Variants in SGCG observed in about 807,000 individuals in gnomAD.
SGCG encodes the protein gamma-sarcoglycan.
A neutral mutation model predicts 29.3 loss-of-function variants in SGCG; 26 were observed. The ratio of observed to expected loss-of-function variants is 0.89; its 90% confidence interval spans 0.65 to 1.23. The LOEUF is 1.23. Ranked by LOEUF, SGCG falls within the 50% of genes most tolerant of loss-of-function variation. The pLI is 0.00. For synonymous variants in SGCG, 145 were observed against 129.7 expected, an observed-to-expected ratio of 1.12 and a Z score of -0.80; for missense variants, 353 against 356.0, an observed-to-expected ratio of 0.99 and a Z score of 0.07.
At chr13:23,218,996 T>C (rs1878545379) in intron 2 of SGCG, among the ~76,000 whole-genome samples, 1 of 148,562 alleles carries the variant, frequency 6.7e-6, no homozygotes, top group Non-Finnish European at 1.5e-5. Context: ...AAAAGCATAG[T>C]TTTTTTTAAC....
In SGCG at chr13:23,274,483, A is replaced by G. The variant is rs578171906; in HGVS notation, c.386-4876A>G. 2.8e-4 allele frequency among the ~76,000 whole-genome samples: 39 copies of G among 138,322 alleles called. 1 individual carries two copies. The South Asian group carries it at 7.3e-3, about 26-fold the overall frequency. The allele number at this position is 138,322 out of a possible 152,430, so 90.7% of individuals were successfully genotyped here. ...AGTGGTGCGATCTTGGCTCGCTGCAAGCTCCACCCCCCAGGTGCAAGCTCC... is the reference window on the plus strand; with the variant it reads ...AGTGGTGCGATCTTGGCTCGCTGCAGGCTCCACCCCCCAGGTGCAAGCTCC... On this transcript the variant is annotated intron_variant, in intron 4 of 7. Transcript: ENST00000218867.
chr13:23,221,443 T>TA (rs1397350179), intron 2 of SGCG, among the ~76,000 whole-genome samples: 98 of 152,142 alleles, frequency 6.4e-4, no homozygotes, highest in African/African-American at 2.3e-3. Context: ...CCTATTAATT[T>TA]TAAAAAATAT....
chr13:23,218,168 A>G (rs1878503566), intron 2 of SGCG, among the ~76,000 whole-genome samples: 1 of 152,198 alleles, frequency 6.6e-6, no homozygotes, highest in African/African-American at 2.4e-5. Context: ...AATTAAAGGA[A>G]AACTATTGAA....
At chr13:23,310,067 CTTGT>C (rs1882507507) in intron 6 of SGCG, among the ~76,000 whole-genome samples, 1 of 143,224 alleles carries the variant, frequency 7.0e-6, no homozygotes, top group African/African-American at 2.5e-5. Flanking sequence ...GTATTTTTGC[CTTGT>C]TTTTCTCTTT....
At chr13:23,288,810 T>C (rs1204034492) in intron 5 of SGCG, among the ~76,000 whole-genome samples, 1 of 152,242 alleles carries the variant, frequency 6.6e-6, no homozygotes, top group African/African-American at 2.4e-5. Flanking sequence ...CCTAAGTGTA[T>C]TTTAGCTCCC....
the SGCG span, among the ~76,000 whole-genome samples, chr13:23,168,179 C>T: frequency 1.3e-5 from 2 of 152,140 alleles, no homozygotes; most frequent in South Asian, 2.1e-4. Context: ...TTTTTCACAT[C>T]GTTGTTTGTT....
chr13:23,318,533 CTT>C (rs749064161), intron 6 of SGCG, among the ~76,000 whole-genome samples: 6 of 151,464 alleles, frequency 4.0e-5, no homozygotes, highest in Non-Finnish European at 5.9e-5. Context: ...GTTCAAAACT[CTT>C]TTACTTTTCA....
chr13:23,251,810 T>C (rs571777140), intron 4 of SGCG, among the ~76,000 whole-genome samples: 2 of 152,178 alleles, frequency 1.3e-5, no homozygotes, highest in Non-Finnish European at 2.9e-5. Flanking sequence ...TTGCTAAGTC[T>C]AGGAAACTGG....
At chr13:23,320,596 AC>A (rs1882993602) in intron 6 of SGCG, 40 bp from the exon 7 acceptor site, 2 of 1,323,512 alleles carry the variant, frequency 1.5e-6, no homozygotes, top group East Asian at 2.6e-5. Context: ...TATTTTTAAT[AC>A]TTTTTTTTTT....
chr13:23,318,346 A>G (rs554651602), intron 6 of SGCG, among the ~76,000 whole-genome samples: 1 of 152,252 alleles, frequency 6.6e-6, no homozygotes, highest in East Asian at 1.9e-4. Context: ...TAATGAGAAG[A>G]GAGTGAATCA....
chr13:23,165,816 C>G, the SGCG span, among the ~76,000 whole-genome samples: 1 of 152,120 alleles, frequency 6.6e-6, no homozygotes, highest in African/African-American at 2.4e-5. Flanking sequence ...AATGAGCCAC[C>G]GTGCCCAGCC....
At position 23,241,005 on chromosome 13, in the gene SGCG, C is replaced by T. The variant is rs563646649; in HGVS notation, c.297+6293C>T. Among the ~76,000 whole-genome samples the T allele has an allele frequency of 3.6e-4, 55 of 151,856 alleles. 1 individual carries two copies. In the South Asian group the frequency reaches 5.8e-3, roughly 16 times the overall value. ...TCTACTAAAAATACAAAAAATTAACCGGGCGTGGTGGCGGGTGCCTGTAGT... is the reference window on the plus strand; with the variant it reads ...TCTACTAAAAATACAAAAAATTAACTGGGCGTGGTGGCGGGTGCCTGTAGT... On this transcript the variant is annotated intron_variant, in intron 3 of 7. Coordinates refer to ENST00000218867, the MANE Select transcript of SGCG (RefSeq NM_000231.3).
At chr13:23,285,448 C>T (rs1177568368) in intron 5 of SGCG, among the ~76,000 whole-genome samples, 4 of 152,250 alleles carry the variant, frequency 2.6e-5, no homozygotes, top group African/African-American at 4.8e-5. Context: ...TAATGGTGGA[C>T]GCCCCTCCCC....
intron 3 of SGCG, chr13:23,246,225 G>A (rs1879704414): frequency 6.6e-6 from 1 of 152,318 alleles, no homozygotes; most frequent in Admixed American, 6.5e-5. Context: ...GCAGATCCAA[G>A]AATTCCTCCT....
At chr13:23,206,899 T>C (rs1382874536) in intron 2 of SGCG, among the ~76,000 whole-genome samples, 1 of 152,192 alleles carries the variant, frequency 6.6e-6, no homozygotes, top group Non-Finnish European at 1.5e-5. Context: ...CCAAAAGTGA[T>C]CTGTAGATTC....
intron 4 of SGCG, among the ~76,000 whole-genome samples, chr13:23,270,980 C>T (rs1271651890): frequency 1.3e-5 from 2 of 152,080 alleles, no homozygotes; most frequent in Non-Finnish European, 2.9e-5. Context: ...CCAGCACTTT[C>T]AGAGGCTGAG....
intron 4 of SGCG, among the ~76,000 whole-genome samples, chr13:23,256,633 G>A (rs554456185): frequency 6.6e-5 from 10 of 152,190 alleles, no homozygotes; most frequent in Admixed American, 6.5e-4. Flanking sequence ...GCAGTGTTTG[G>A]TTTTCTGTCC....
chr13:23,298,404 C>G (rs1881992221), intron 6 of SGCG, among the ~76,000 whole-genome samples: 1 of 152,004 alleles, frequency 6.6e-6, no homozygotes, highest in Admixed American at 6.6e-5. Flanking sequence ...GATATTCTCC[C>G]TAAATAATAA....
intron 2 of SGCG, among the ~76,000 whole-genome samples, chr13:23,219,732 A>G (rs1878580732): frequency 7.7e-6 from 1 of 129,194 alleles, no homozygotes. Context: ...TTTAAACCCC[A>G]TAAACATACA....
Sources: allele counts gnomAD v4.1 joint callset (sites outside exome capture counted in the v4.1 genomes callset), GRCh38; gene constraint gnomAD v4.1.1; transcripts MANE v1.5; gene names NCBI Gene and HGNC (gene_info 2026-07-23, HGNC 2026-07-21).